The following PDS5A variants were observed in gnomAD, a reference collection of about 807,000 sequenced individuals.
PDS5A encodes sister chromatid cohesion protein PDS5 homolog A.
Under a neutral mutation model 167.1 loss-of-function variants are expected in PDS5A, and 42 were observed. The observed-to-expected ratio is 0.25, with a 90% CI of 0.20 to 0.33. The LOEUF is 0.33. Among genes scored for constraint, PDS5A ranks in the 10% least tolerant of loss-of-function variants. The probability of loss-of-function intolerance (pLI) is 1.00; values close to 1 mark genes in which losing one functional copy is unlikely to be tolerated. For missense variants in PDS5A, 1,033 were observed against 1,605.9 expected (o/e 0.64, Z 6.10); for synonymous variants, 553 against 554.6 (o/e 1.00, Z 0.04).
chr4:39,853,073 G>A (rs904947619), intron 26 of PDS5A, among the ~76,000 whole-genome samples: 1 of 150,958 alleles, frequency 6.6e-6, no homozygotes, highest in Non-Finnish European at 1.5e-5. Flanking sequence ...TGAGTAGCTG[G>A]GACTACAGGC....
At chr4:39,953,628 G>A (rs1036324207) in intron 2 of PDS5A, among the ~76,000 whole-genome samples, 2 of 152,062 alleles carry the variant, frequency 1.3e-5, no homozygotes, top group African/African-American at 4.8e-5. Context: ...CTACTCAGGA[G>A]GCTGGGGCAG....
intron 9 of PDS5A, among the ~76,000 whole-genome samples, chr4:39,911,436 TA>T (rs1723877588): frequency 6.6e-6 from 1 of 151,232 alleles, no homozygotes; most frequent in Non-Finnish European, 1.5e-5. Context: ...TCTCACCACT[TA>T]AGTTTCTTTT....
chr4:39,961,941 C>T (rs1479930002), intron 2 of PDS5A, among the ~76,000 whole-genome samples: 1 of 152,308 alleles, frequency 6.6e-6, no homozygotes, highest in African/African-American at 2.4e-5. Context: ...TCAAGATCTT[C>T]AATTAAGACC....
In PDS5A at chr4:39,909,097, C is replaced by A. The variant is rs549629216; in HGVS notation, c.1088-557G>T. Among the ~76,000 whole-genome samples, 679 of 79,152 alleles carry A rather than the reference C, an allele frequency of 8.6e-3. 8 individuals carry two copies. The highest frequency in any genetic ancestry group is 0.02 in the African/African-American group (637 of 31,858). The allele number at this position is 79,152 out of a possible 152,430, so 51.9% of individuals were successfully genotyped here. Reference sequence around the variant, plus strand: ...AAATAAAATAAAATAAAATAAAATACTTCACAGTTACATCTTTTTTTTAAT... The same window carrying A: ...AAATAAAATAAAATAAAATAAAATAATTCACAGTTACATCTTTTTTTTAAT... On this transcript the variant is annotated intron_variant, in intron 10 of 32. Transcript: ENST00000303538.
At chr4:39,954,877 A>G (rs1489821997) in intron 2 of PDS5A, among the ~76,000 whole-genome samples, 1 of 151,610 alleles carries the variant, frequency 6.6e-6, no homozygotes, top group Admixed American at 6.6e-5. Flanking sequence ...CCGTGTCTAC[A>G]AACAATACAA....
chr4:39,920,291 T>A (rs771232133), intron 7 of PDS5A, 28 bp downstream of exon 7: 2 of 963,688 alleles, frequency 2.1e-6, no homozygotes, highest in East Asian at 5.1e-5. Flanking sequence ...TTACAAAATA[T>A]AGAATAAACA....
chr4:39,966,687 TAA>T (rs1729994552), intron 2 of PDS5A, among the ~76,000 whole-genome samples: 2 of 152,082 alleles, frequency 1.3e-5, no homozygotes, highest in African/African-American at 2.4e-5. Flanking sequence ...ATCAGATAGT[TAA>T]GAGAGGAATA....
chr4:39,892,891 G>A (rs917040498), intron 16 of PDS5A, among the ~76,000 whole-genome samples: 49 of 152,316 alleles, frequency 3.2e-4, no homozygotes, highest in African/African-American at 1.2e-3. Flanking sequence ...CTATAAAAAT[G>A]ACCATTTATT....
chr4:39,957,710 C>T (rs1253200690), intron 2 of PDS5A, among the ~76,000 whole-genome samples: 3 of 149,256 alleles, frequency 2.0e-5, no homozygotes, highest in East Asian at 2.1e-4. Flanking sequence ...GGCATGAACC[C>T]GGCTAGGCAG....
intron 2 of PDS5A, chr4:39,932,495 T>G (rs112600451): frequency 3.1e-5 from 7 of 227,790 alleles, no homozygotes; most frequent in Non-Finnish European, 7.0e-5. Flanking sequence ...GTGAAGGTCC[T>G]GATGCCATGT....
chr4:39,886,280 T>C (rs573184823), intron 17 of PDS5A, among the ~76,000 whole-genome samples: 1 of 152,376 alleles, frequency 6.6e-6, no homozygotes, highest in South Asian at 2.1e-4. Flanking sequence ...TTCCTCATAT[T>C]GCTTTGGCTA....
intron 4 of PDS5A, among the ~76,000 whole-genome samples, chr4:39,926,532 G>A (rs28376816): frequency 0.33 from 48,683 of 145,610 alleles, 9,227 homozygotes; most frequent in East Asian, 0.64. Context: ...AAAAAAAAAA[G>A]AAAGAAATAG....
intron 10 of PDS5A, 121 bp from the exon 11 acceptor site, chr4:39,908,661 T>C (rs1210749468): frequency 3.1e-6 from 2 of 639,534 alleles, no homozygotes; most frequent in South Asian, 1.9e-5. Flanking sequence ...TTGTAAAATA[T>C]GGCATGAAAT....
rs1415243542 is a variant in PDS5A, at chr4:39,976,585, G to A, written c.-8C>T. On this transcript the variant is annotated 5_prime_UTR_variant, in exon 2 of 33. Transcript: ENST00000303538. ...CTGCGCGGTGAAGTCCATCCTGGGG[G>A]ACAACTTTTGGTTCACAGTCCTCTA... 6.2e-7 allele frequency: 1 copy of A among 1,606,988 alleles called. No homozygotes were observed. Among genetic ancestry groups the A allele is most frequent in the Non-Finnish European group, 8.5e-7 (1 of 1,175,054 alleles).
intron 5 of PDS5A, among the ~76,000 whole-genome samples, chr4:39,925,422 C>G (rs1363214185): frequency 6.6e-6 from 1 of 152,184 alleles, no homozygotes; most frequent in African/African-American, 2.4e-5. Flanking sequence ...TCTCCCAGAA[C>G]TAATGGTACA....
chr4:39,897,903 GT>G (rs930441485), intron 16 of PDS5A: 34 of 324,904 alleles, frequency 1.0e-4, no homozygotes, highest in African/African-American at 7.7e-4. Flanking sequence ...GAATGCATAA[GT>G]TTTCCCTCCT....
chr4:39,838,265 T>G, intron 31 of PDS5A, 57 bp from the exon 32 acceptor site: 7 of 1,202,330 alleles, frequency 5.8e-6, no homozygotes, highest in Non-Finnish European at 7.9e-6. Flanking sequence ...TAATGATCTC[T>G]ATTAGAAAAG....
At chr4:39,864,421 C>G (rs1361913967) in intron 23 of PDS5A, among the ~76,000 whole-genome samples, 4 of 152,122 alleles carry the variant, frequency 2.6e-5, no homozygotes, top group Non-Finnish European at 5.9e-5. Flanking sequence ...ACCTATGAAG[C>G]CTTGGCACTC....
intron 11 of PDS5A, among the ~76,000 whole-genome samples, chr4:39,905,107 T>TTGGGATA (rs1723219976): frequency 6.6e-6 from 1 of 152,150 alleles, no homozygotes; most frequent in Non-Finnish European, 1.5e-5. Flanking sequence ...GGGAACTGAC[T>TTGGGATA]ACCCAGTGAA....
Sources: gnomAD v4.1 joint callset for allele counts (sites outside exome capture counted in the v4.1 genomes callset) on GRCh38, gnomAD v4.1.1 for gene constraint, MANE v1.5 for transcripts, NCBI Gene and HGNC (gene_info 2026-07-23, HGNC 2026-07-21) for gene names.